Variants in PCDHGB7 observed in about 807,000 individuals in gnomAD.
The protein encoded by PCDHGB7 is protocadherin gamma subfamily B, 7, also known as protocadherin gamma-B7.
A neutral mutation model predicts 61.4 loss-of-function variants in PCDHGB7; 37 were observed. The observed-to-expected ratio is 0.60, with a 90% CI of 0.46 to 0.79. The LOEUF (loss-of-function observed/expected upper bound fraction) is 0.79, where lower values mean the gene tolerates loss of function less well. Ranked by LOEUF, PCDHGB7 falls within the 30% of genes least tolerant of loss-of-function variation. The pLI is 0.00. For missense variants in PCDHGB7, 1,166 were observed against 1,202.5 expected, an observed-to-expected ratio of 0.97 and a Z score of 0.45; for synonymous variants, 464 against 503.5, an observed-to-expected ratio of 0.92 and a Z score of 1.05.
At chr5:141,459,499 G>A (rs2098968854) in intron 1 of PCDHGB7, among the ~76,000 whole-genome samples, 1 of 152,172 alleles carries the variant, frequency 6.6e-6, no homozygotes, top group Non-Finnish European at 1.5e-5. Context: ...TTAAAGTGAT[G>A]TGAACAATCA....
rs1289898516 is a variant in PCDHGB7 at position 141,487,019 on chromosome 5, C to G, written c.2416-7788C>G. ...CTATCAGCTCCTGGAGGCCCCAGAT[C>G]CCAGCCTGTTTGCAGTCTCTCGATA... On this transcript the variant is annotated intron_variant, in intron 1 of 3. Transcript: ENST00000398594. The surrounding 1 kb of genome is among the most constrained non-coding windows in gnomAD (Gnocchi z 5.0). 1 of 1,614,204 alleles carries G rather than the reference C, an allele frequency of 6.2e-7. No homozygotes were observed. The highest frequency in any genetic ancestry group is 8.5e-7 in the Non-Finnish European group (1 of 1,180,042).
At chr5:141,433,204 C>A in intron 1 of PCDHGB7, 1 of 1,566,946 alleles carries the variant, frequency 6.4e-7, no homozygotes, top group Non-Finnish European at 8.6e-7. Flanking sequence ...ATCAAATCTT[C>A]TTTCTTTTTT....
rs781026604 is a variant in PCDHGB7, at chr5:141,490,471, C to G, written c.2416-4336C>G. ...CCACTACTCGCTGCTAACCAGCCAG[C>G]CTTTGGACCGGGAGGCCACATCCCA... On this transcript the variant is annotated intron_variant, in intron 1 of 3. Coordinates refer to ENST00000398594, the MANE Select transcript of PCDHGB7 (RefSeq NM_018927.4). The surrounding 1 kb of genome is among the most constrained non-coding windows in gnomAD (Gnocchi z 5.4). 12 of 1,614,096 alleles carry G rather than the reference C, an allele frequency of 7.4e-6. No homozygotes were observed. The highest frequency in any genetic ancestry group is 1.1e-5 in the South Asian group (1 of 91,092).
intron 3 of PCDHGB7, 89 bp from the exon 4 acceptor site, chr5:141,510,858 T>C (rs992991460): frequency 5.8e-5 from 93 of 1,606,182 alleles, no homozygotes; most frequent in South Asian, 1.0e-4. Flanking sequence ...GGGTGCTGTA[T>C]AGGCATTCAT....
chr5:141,418,820 G>A lies in PCDHGB7; in HGVS notation c.961G>A (p.Ala321Thr). Residue 321 changes from alanine to threonine, a missense_variant, in exon 1 of 4, where the codon GCA (alanine) becomes ACA (threonine). Transcript: ENST00000398594. ...AGAAAGATATACGATAAACATAGAAGCAAAAGACCGAGGATCTCTCTCAAC... is the reference window on the plus strand; with the variant it reads ...AGAAAGATATACGATAAACATAGAAACAAAAGACCGAGGATCTCTCTCAAC... ...EVERYTINIE[A>T]KDRGSLSTRC... The A allele has an allele frequency of 6.2e-7, 1 of 1,613,918 alleles. No homozygotes were observed.
At position 141,480,425 on chromosome 5, in the gene PCDHGB7, AT is replaced by A. The variant is rs553131122; in HGVS notation, c.2416-14380del. On this transcript the variant is annotated intron_variant, in intron 1 of 3. Transcript: ENST00000398594. ...GTGAGACCCTGTCTCAAAAAAAAAA[AT>A]TATCAGCTATTACTATAATTATTTT... 2.3e-4 allele frequency among the ~76,000 whole-genome samples: 34 copies of A among 149,340 alleles called. 1 individual carries two copies. In the South Asian group the frequency reaches 6.0e-3, roughly 26 times the overall value.
At chr5:141,459,831 G>A (rs907978430) in intron 1 of PCDHGB7, among the ~76,000 whole-genome samples, 1 of 152,150 alleles carries the variant, frequency 6.6e-6, no homozygotes, top group Admixed American at 6.6e-5. Context: ...CTTTTCATGT[G>A]TTGTCTATTT....
chr5:141,501,290 T>TACACATAC (rs1224133816), intron 2 of PCDHGB7, among the ~76,000 whole-genome samples: 1,510 of 136,196 alleles, frequency 0.011, 8 homozygotes, highest in Admixed American at 0.014. Flanking sequence ...TATTCCCTTA[T>TACACATAC]ACACACACAC....
rs527369615 is a variant in PCDHGB7 at position 141,419,506 on chromosome 5, C to A, written c.1647C>A (p.Arg549=). Residue 549 remains arginine (R), a synonymous_variant, in exon 1 of 4, where the codon CGC becomes CGA. Transcript: ENST00000398594. ...CGCTCAGCGCCAATGTGAGCCTGCG[C>A]GTGTTGGTGGGCGACCGTAACGACA... ...SPALSANVSL[R]VLVGDRNDNA... The A allele has an allele frequency of 6.2e-6, 10 of 1,612,352 alleles. No homozygotes were observed. Among genetic ancestry groups the A allele is most frequent in the Middle Eastern group, 1.7e-4 (1 of 5,974 alleles).
At position 141,431,496 on chromosome 5, in the gene PCDHGB7, A is replaced by C. The variant is rs1223687647; in HGVS notation, c.2415+11222A>C. On this transcript the variant is annotated intron_variant, in intron 1 of 3. Coordinates refer to ENST00000398594, the MANE Select transcript of PCDHGB7 (RefSeq NM_018927.4). This position sits in a 1 kb window ranked among gnomAD's most constrained non-coding sequence, Gnocchi z 4.8. ...AACGCACCAGCGTTTGCTCAGCCCGAGTACCGCGCGAGCGTTCCGGAGAAT... is the reference window on the plus strand; with the variant it reads ...AACGCACCAGCGTTTGCTCAGCCCGCGTACCGCGCGAGCGTTCCGGAGAAT... 5 of 1,614,020 alleles carry C rather than the reference A, an allele frequency of 3.1e-6. No individual in the cohort carries two copies. The South Asian group carries it at 4.4e-5, about 14-fold the overall frequency.
chr5:141,492,998 C>A (rs2154589328), intron 1 of PCDHGB7, among the ~76,000 whole-genome samples: 1 of 152,334 alleles, frequency 6.6e-6, no homozygotes, highest in Admixed American at 6.5e-5. Flanking sequence ...AGATGGAAAG[C>A]TATAGGCTCT....
chr5:141,474,985 C>T (rs2099357651), intron 1 of PCDHGB7, among the ~76,000 whole-genome samples: 1 of 152,202 alleles, frequency 6.6e-6, no homozygotes, highest in Non-Finnish European at 1.5e-5. Context: ...TGTTTGGTGA[C>T]AACAATTCTA....
Position 141,489,120 on chromosome 5 carries a change from G to T in PCDHGB7, c.2416-5687G>T. On this transcript the variant is annotated intron_variant, in intron 1 of 3. Coordinates refer to ENST00000398594, the MANE Select transcript of PCDHGB7 (RefSeq NM_018927.4). The surrounding 1 kb of genome is among the most constrained non-coding windows in gnomAD (Gnocchi z 4.5). Reference sequence around the variant, plus strand: ...AACTGCTGCAAGCAGGCAAACCTCCGAGCAGTTTTTAAGAGGCTGGAAGGA... The same window carrying T: ...AACTGCTGCAAGCAGGCAAACCTCCTAGCAGTTTTTAAGAGGCTGGAAGGA... 2.2e-6 allele frequency: 1 copy of T among 445,672 alleles called. No individual in the cohort carries two copies. The highest frequency in any genetic ancestry group is 3.8e-6 in the Non-Finnish European group (1 of 264,754). The allele number at this position is 445,672 out of a possible 1,614,324, so 27.6% of individuals were successfully genotyped here.
At chr5:141,434,561 G>A (rs2097702856) in intron 1 of PCDHGB7, among the ~76,000 whole-genome samples, 1 of 152,188 alleles carries the variant, frequency 6.6e-6, no homozygotes, top group Non-Finnish European at 1.5e-5. Flanking sequence ...GTGCCTTAAG[G>A]ACATGCCCCT....
chr5:141,502,173 T>C (rs1377892969), intron 2 of PCDHGB7, among the ~76,000 whole-genome samples: 2 of 152,178 alleles, frequency 1.3e-5, no homozygotes, highest in African/African-American at 4.8e-5. Flanking sequence ...AGTTGAGGAA[T>C]TTAACATTAA....
chr5:141,477,749 C>A lies in PCDHGB7; in HGVS notation c.2416-17058C>A, dbSNP rs2099417192. The A allele has an allele frequency of 6.2e-7, 1 of 1,613,786 alleles. No homozygotes were observed. Among genetic ancestry groups the A allele is most frequent in the African/African-American group, 1.3e-5 (1 of 74,928 alleles). ...AGCTCATATCAGCGATGGGGGCACCCCGGTCCTAGCCACCAACATCAGCGT... is the reference window on the plus strand; with the variant it reads ...AGCTCATATCAGCGATGGGGGCACCACGGTCCTAGCCACCAACATCAGCGT... On this transcript the variant is annotated intron_variant, in intron 1 of 3. Coordinates refer to ENST00000398594, the MANE Select transcript of PCDHGB7 (RefSeq NM_018927.4). This position sits in a 1 kb window ranked among gnomAD's most constrained non-coding sequence, Gnocchi z 4.9.
intron 1 of PCDHGB7, among the ~76,000 whole-genome samples, chr5:141,470,504 G>A (rs914828244): frequency 6.6e-6 from 1 of 152,114 alleles, no homozygotes; most frequent in Admixed American, 6.6e-5. Flanking sequence ...TAGGTAATTA[G>A]ACAGTTAGCT....
intron 1 of PCDHGB7, among the ~76,000 whole-genome samples, chr5:141,437,614 A>G (rs113599071): frequency 3.1e-4 from 47 of 152,242 alleles, no homozygotes; most frequent in Non-Finnish European, 5.1e-4. Flanking sequence ...AATCTGCTTT[A>G]TCCCCATATA....
At chr5:141,466,983 C>A (rs2099133398) in intron 1 of PCDHGB7, among the ~76,000 whole-genome samples, 1 of 151,884 alleles carries the variant, frequency 6.6e-6, no homozygotes, top group African/African-American at 2.4e-5. Context: ...TCATCATTTA[C>A]CTTTTGGCAT....
Sources: gnomAD v4.1 joint callset for allele counts (sites outside exome capture counted in the v4.1 genomes callset) on GRCh38, gnomAD v4.1.1 for gene constraint, Gnocchi (gnomAD v3.1) non-coding constraint, MANE v1.5 for transcripts, NCBI Gene and HGNC (gene_info 2026-07-23, HGNC 2026-07-21) for gene names.